PPM1H: variants seen among roughly 807,000 people sequenced by gnomAD.
PPM1H encodes the protein protein phosphatase, Mg2+/Mn2+ dependent 1H.
PPM1H carries 27 observed loss-of-function variants against 54.9 expected under a neutral mutation model. The observed-to-expected ratio is 0.49, with a 90% CI of 0.36 to 0.68. PPM1H has a LOEUF of 0.68. Among genes scored for constraint, PPM1H ranks in the 30% least tolerant of loss-of-function variants. PPM1H has a pLI of 0.00. For missense variants in PPM1H, 596 were observed against 667.8 expected (o/e 0.89, Z 1.19); for synonymous variants, 305 against 270.8 (o/e 1.13, Z -1.24).
chr12:62,768,568 C>A (rs976519926), intron 4 of PPM1H, among the ~76,000 whole-genome samples: 14 of 151,762 alleles, frequency 9.2e-5, no homozygotes, highest in African/African-American at 3.1e-4. Context: ...GGCAGGAGAA[C>A]GGCTTGAACC....
intron 5 of PPM1H, among the ~76,000 whole-genome samples, chr12:62,728,411 T>C (rs1461100024): frequency 6.6e-6 from 1 of 152,174 alleles, no homozygotes; most frequent in East Asian, 1.9e-4. Flanking sequence ...TGTCTTTCTA[T>C]GGCCACTCTC....
intron 9 of PPM1H, among the ~76,000 whole-genome samples, chr12:62,664,339 C>T (rs1285069199): frequency 6.6e-6 from 1 of 152,092 alleles, no homozygotes; most frequent in African/African-American, 2.4e-5. Context: ...ATTATTCAGG[C>T]CCAGGTACTT....
At chr12:62,931,633 TG>T (rs1184733094) in intron 1 of PPM1H, among the ~76,000 whole-genome samples, 2 of 152,174 alleles carry the variant, frequency 1.3e-5, no homozygotes, top group African/African-American at 4.8e-5. Context: ...AGAACGAGTT[TG>T]GTGTTGCGAG....
rs1380950115 is a variant in PPM1H, at chr12:62,899,171, T to C, written c.245+35321A>G. ...GTATCACAAAAGACTACTTTTTCCC[T>C]TAAAACTCCTAGGTGCACTTTTGTA... On this transcript the variant is annotated intron_variant, in intron 1 of 9. Transcript: ENST00000228705. Among the ~76,000 whole-genome samples, 4 of 152,238 alleles carry C rather than the reference T, an allele frequency of 2.6e-5. No homozygotes were observed. In the East Asian group the frequency reaches 7.7e-4, roughly 29 times the overall value.
chr12:62,745,248 G>C (rs1481633065), intron 4 of PPM1H, among the ~76,000 whole-genome samples: 2 of 151,880 alleles, frequency 1.3e-5, no homozygotes. Flanking sequence ...TCTTTATAGA[G>C]ACGAGGCCTC....
intron 3 of PPM1H, among the ~76,000 whole-genome samples, chr12:62,800,671 C>G (rs2120742341): frequency 6.6e-6 from 1 of 152,336 alleles, no homozygotes; most frequent in South Asian, 2.1e-4. Context: ...TGACTGCCCA[C>G]TTGCCTAACT....
intron 1 of PPM1H, among the ~76,000 whole-genome samples, chr12:62,872,328 A>C (rs1307789784): frequency 6.6e-6 from 1 of 152,214 alleles, no homozygotes; most frequent in East Asian, 1.9e-4. Context: ...ATGCTCTAGC[A>C]ACCAAGATAT....
chr12:62,789,306 A>T (rs1181442879), intron 3 of PPM1H, among the ~76,000 whole-genome samples: 1 of 152,198 alleles, frequency 6.6e-6, no homozygotes, highest in Non-Finnish European at 1.5e-5. Flanking sequence ...CCCAGATATG[A>T]TCAATGTTTT....
chr12:62,776,274 C>A (rs940775943), intron 4 of PPM1H, among the ~76,000 whole-genome samples: 1 of 152,152 alleles, frequency 6.6e-6, no homozygotes, highest in Non-Finnish European at 1.5e-5. Context: ...AGACCTTACT[C>A]TAAGACTCTA....
At chr12:62,913,803 C>A (rs1409410893) in intron 1 of PPM1H, among the ~76,000 whole-genome samples, 1 of 152,092 alleles carries the variant, frequency 6.6e-6, no homozygotes, top group Non-Finnish European at 1.5e-5. Flanking sequence ...CGGGTTCAAG[C>A]GATTCTCCTG....
intron 1 of PPM1H, among the ~76,000 whole-genome samples, chr12:62,922,380 T>C (rs1263056811): frequency 6.6e-6 from 1 of 152,070 alleles, no homozygotes; most frequent in Admixed American, 6.6e-5. Flanking sequence ...TCAGGTTTAA[T>C]AATTCAGTGA....
chr12:62,869,025 C>T (rs996833952), intron 1 of PPM1H, among the ~76,000 whole-genome samples: 3 of 152,172 alleles, frequency 2.0e-5, no homozygotes, highest in Admixed American at 6.5e-5. Context: ...CTATGTGCTG[C>T]GAAGTACACA....
chr12:62,700,653 T>C (rs1016665556), intron 6 of PPM1H, among the ~76,000 whole-genome samples: 1 of 152,190 alleles, frequency 6.6e-6, no homozygotes, highest in Non-Finnish European at 1.5e-5. Context: ...CCATCAGGCC[T>C]CTGTGCAATG....
chr12:62,807,225 AG>A (rs1374096789), intron 2 of PPM1H, among the ~76,000 whole-genome samples: 1 of 152,226 alleles, frequency 6.6e-6, no homozygotes, highest in Non-Finnish European at 1.5e-5. Flanking sequence ...CTTTAGCATA[AG>A]TGTAACAAAA....
chr12:62,910,855 G>C (rs1459427093), intron 1 of PPM1H, among the ~76,000 whole-genome samples: 2 of 152,162 alleles, frequency 1.3e-5, no homozygotes, highest in African/African-American at 4.8e-5. Context: ...TGCCCGCAAG[G>C]AAGCTTACTC....
At chr12:62,764,826 G>T (rs1215889118) in intron 4 of PPM1H, among the ~76,000 whole-genome samples, 1 of 152,196 alleles carries the variant, frequency 6.6e-6, no homozygotes, top group Admixed American at 6.5e-5. Flanking sequence ...GGCACGGGGG[G>T]CCATGGAGAA....
intron 1 of PPM1H, among the ~76,000 whole-genome samples, chr12:62,839,291 T>A (rs2120883502): frequency 6.6e-6 from 1 of 152,252 alleles, no homozygotes; most frequent in East Asian, 1.9e-4. Context: ...CAACGAGGTG[T>A]TGCAAACTGG....
intron 4 of PPM1H, among the ~76,000 whole-genome samples, chr12:62,747,006 C>T (rs1265580912): frequency 6.6e-6 from 1 of 152,212 alleles, no homozygotes; most frequent in Non-Finnish European, 1.5e-5. Flanking sequence ...GGCTGGAGTG[C>T]AGTGGCACGA....
At chr12:62,877,684 T>C (rs1172679436) in intron 1 of PPM1H, among the ~76,000 whole-genome samples, 1 of 152,180 alleles carries the variant, frequency 6.6e-6, no homozygotes, top group Non-Finnish European at 1.5e-5. Context: ...GCTTGCAATC[T>C]TAAAGCATTC....
Sources: gnomAD v4.1 joint callset for allele counts (sites outside exome capture counted in the v4.1 genomes callset) on GRCh38, gnomAD v4.1.1 for gene constraint, MANE v1.5 for transcripts, NCBI Gene and HGNC (gene_info 2026-07-23, HGNC 2026-07-21) for gene names.